The following PDXDC1 variants were observed in gnomAD, a reference collection of about 807,000 sequenced individuals.
PDXDC1 encodes the protein pyridoxal dependent decarboxylase domain containing 1, also known as pyridoxal-dependent decarboxylase domain-containing protein 1.
PDXDC1 carries 42 observed loss-of-function variants against 100.1 expected under a neutral mutation model. The ratio of observed to expected loss-of-function variants is 0.42; its 90% CI spans 0.33 to 0.54. The LOEUF (loss-of-function observed/expected upper bound fraction) is 0.54. Ranked by LOEUF, PDXDC1 falls within the 20% of genes least tolerant of loss-of-function variation. PDXDC1 has a pLI of 0.10. For synonymous variants in PDXDC1, 260 were observed against 371.7 expected (o/e 0.70, Z 3.46); for missense variants, 636 against 979.2 (o/e 0.65, Z 4.68).
At chr16:14,980,997 G>T (rs1967847816) in intron 1 of PDXDC1, among the ~76,000 whole-genome samples, 1 of 152,302 alleles carries the variant, frequency 6.6e-6, no homozygotes, top group Admixed American at 6.5e-5. Context: ...GGCCCCTGCA[G>T]GAGGTTGCGT....
At chr16:15,067,795 G>T (rs1416333971) in intron 16 of PDXDC1, among the ~76,000 whole-genome samples, 1 of 151,950 alleles carries the variant, frequency 6.6e-6, no homozygotes, top group Non-Finnish European at 1.5e-5. Context: ...TCTCATTCTG[G>T]AGCCCAGACT....
At chr16:15,078,150 G>C (rs1183386377) in intron 16 of PDXDC1, among the ~76,000 whole-genome samples, 1 of 152,168 alleles carries the variant, frequency 6.6e-6, no homozygotes, top group African/African-American at 2.4e-5. Flanking sequence ...ACCAGAGAAA[G>C]ACTATAAAGA....
At chr16:15,045,912 G>A (rs2044040739) in intron 16 of PDXDC1, 1 of 152,178 alleles carries the variant, frequency 6.6e-6, no homozygotes, top group African/African-American at 2.4e-5. Flanking sequence ...CAGCCTCAAG[G>A]GGCCTCATAA....
At chr16:15,056,165 G>A (rs553770544) in intron 16 of PDXDC1, 2 of 167,260 alleles carry the variant, frequency 1.2e-5, no homozygotes, top group South Asian at 4.0e-4. Flanking sequence ...TCCAGGACAT[G>A]GCCGCAAGGC....
rs2045641300 is a variant in PDXDC1, at chr16:15,080,214, A to G, written c.1399+50158A>G. 1.5e-5 allele frequency: 19 copies of G among 1,265,008 alleles called. No individual in the cohort carries two copies. The South Asian group carries it at 2.8e-4, about 19-fold the overall frequency. 78.4% of individuals were successfully genotyped at this position (1,265,008 alleles called of 1,614,324 possible). A position where few individuals can be genotyped will look rare whatever the true frequency, so the allele number is the denominator to read the frequency against. ...CAAATATTTAAAAAGAAAAAAACAG[A>G]CTATCCAGCAATACAAAAACTATAC... On this transcript the variant is annotated intron_variant, in intron 16 of 16. Coordinates refer to the PDXDC1 transcript ENST00000535621.
At chr16:15,145,865 C>T in the PDXDC1 span, among the ~76,000 whole-genome samples, 1 of 152,232 alleles carries the variant, frequency 6.6e-6, no homozygotes, top group South Asian at 2.1e-4. Context: ...GGGCTGTTTT[C>T]ATTCCAGGGT....
In PDXDC1 at chr16:15,036,155, T is replaced by C. The variant is rs1172259693; in HGVS notation, c.2247T>C (p.Thr749=). 6.2e-7 allele frequency: 1 copy of C among 1,614,166 alleles called. No individual in the cohort carries two copies. Among genetic ancestry groups the C allele is most frequent in the Admixed American group, 1.7e-5 (1 of 60,024 alleles). Residue 749 remains threonine, a synonymous_variant, in exon 23 of 23, where the codon ACT becomes ACC. Transcript: ENST00000396410. ...AGATCACCCTCGAGGCCAGCAGCAC[T>C]GAGGGACACCCAGGGGCTCCCAGCC... ...PEQITLEASS[T]EGHPGAPSPQ...
chr16:15,065,296 G>C, intron 16 of PDXDC1: 1 of 1,613,774 alleles, frequency 6.2e-7, no homozygotes, highest in Non-Finnish European at 8.5e-7. Context: ...CTCCTCCAGC[G>C]GTACTCCTAA....
chr16:15,056,858 C>A (rs1035137928), intron 16 of PDXDC1, among the ~76,000 whole-genome samples: 2 of 152,074 alleles, frequency 1.3e-5, no homozygotes, highest in African/African-American at 2.4e-5. Flanking sequence ...CTAAAGAGAT[C>A]ATCGATTAAC....
chr16:15,051,749 G>A (rs1170516594), intron 16 of PDXDC1, among the ~76,000 whole-genome samples: 6 of 132,028 alleles, frequency 4.5e-5, no homozygotes, highest in Non-Finnish European at 1.6e-5. Flanking sequence ...TGCCCAGGCT[G>A]AAGTGCTGTG....
the PDXDC1 span, among the ~76,000 whole-genome samples, chr16:15,149,277 C>G: frequency 6.6e-6 from 1 of 152,204 alleles, no homozygotes; most frequent in Admixed American, 6.5e-5. Flanking sequence ...GCCCCCTCCC[C>G]ATCATCCATC....
At chr16:15,017,932 T>G (rs2041915445) in intron 11 of PDXDC1, among the ~76,000 whole-genome samples, 1 of 152,208 alleles carries the variant, frequency 6.6e-6, no homozygotes, top group African/African-American at 2.4e-5. Context: ...GTAGCTGGGA[T>G]TACAGGCATG....
At chr16:14,993,283 C>T (rs1454901126) in intron 1 of PDXDC1, among the ~76,000 whole-genome samples, 1 of 147,874 alleles carries the variant, frequency 6.8e-6, no homozygotes, top group Non-Finnish European at 1.5e-5. Context: ...CTAATGCTAT[C>T]CCTCCTCCCT....
intron 16 of PDXDC1, among the ~76,000 whole-genome samples, chr16:15,031,206 C>G (rs888232203): frequency 6.8e-6 from 1 of 146,864 alleles, no homozygotes; most frequent in East Asian, 2.1e-4. Context: ...ATCCTCCTGG[C>G]TCAGATTCCC....
intron 16 of PDXDC1, among the ~76,000 whole-genome samples, chr16:15,114,894 C>A (rs1274933946): frequency 7.4e-6 from 1 of 134,526 alleles, no homozygotes; most frequent in Admixed American, 7.7e-5. Context: ...TACACTAACA[C>A]TAACAATAGC....
intron 16 of PDXDC1, chr16:15,060,125 T>C: frequency 5.8e-6 from 2 of 344,626 alleles, no homozygotes. Flanking sequence ...TTTCACAAAC[T>C]CCTTTGAAAT....
At chr16:15,137,872 C>T (rs1482300056) in intron 16 of PDXDC1, 21 of 992,836 alleles carry the variant, frequency 2.1e-5, no homozygotes, top group Non-Finnish European at 2.0e-5. Flanking sequence ...CCGCCCATCG[C>T]GGCAGCCACG....
chr16:15,111,972 G>C (rs538437818), intron 16 of PDXDC1, among the ~76,000 whole-genome samples: 2 of 147,662 alleles, frequency 1.4e-5, no homozygotes, highest in African/African-American at 4.9e-5. Flanking sequence ...CTGCACTGGA[G>C]CATCTTTCTT....
intron 1 of PDXDC1, among the ~76,000 whole-genome samples, chr16:14,992,594 T>C (rs1430858793): frequency 6.6e-6 from 1 of 152,296 alleles, no homozygotes; most frequent in Non-Finnish European, 1.5e-5. Context: ...GTGGTGAATT[T>C]TATTGAAAAC....
Sources: allele counts gnomAD v4.1 joint callset (sites outside exome capture counted in the v4.1 genomes callset), GRCh38; gene constraint gnomAD v4.1.1; transcripts MANE v1.5; gene names NCBI Gene and HGNC (gene_info 2026-07-23, HGNC 2026-07-21).